Variants in PTPRD observed in about 807,000 individuals in gnomAD.
The protein encoded by PTPRD is protein tyrosine phosphatase receptor type D.
Under a neutral mutation model 214.5 loss-of-function variants are expected in PTPRD, and 34 were observed. The observed-to-expected ratio is 0.16, with a 90% CI of 0.12 to 0.21. The LOEUF is 0.21. PTPRD is among the 10% of genes least tolerant of loss of function. PTPRD has a pLI of 1.00. For synonymous variants in PTPRD, 1,128 were observed against 845.7 expected, an observed-to-expected ratio of 1.33 and a Z score of -5.79; for missense variants, 2,545 against 2,398.7, an observed-to-expected ratio of 1.06 and a Z score of -1.27.
intron 33 of PTPRD, chr9:8,454,722 T>A: frequency 1.0e-6 from 1 of 964,140 alleles, no homozygotes; most frequent in Middle Eastern, 2.1e-4. Context: ...ATAACTGACA[T>A]ACATTCAGAA....
chr9:9,515,067 C>T (rs1257047865), intron 8 of PTPRD, among the ~76,000 whole-genome samples: 1 of 152,008 alleles, frequency 6.6e-6, no homozygotes, highest in Non-Finnish European at 1.5e-5. Flanking sequence ...AAAAGTCCAA[C>T]CTGGTTTCTC....
chr9:8,600,536 G>A (rs1023060116), intron 14 of PTPRD, among the ~76,000 whole-genome samples: 18 of 151,712 alleles, frequency 1.2e-4, no homozygotes, highest in African/African-American at 4.4e-4. Context: ...AGAGGAAAGA[G>A]TAAAGAGGAC....
intron 10 of PTPRD, among the ~76,000 whole-genome samples, chr9:9,019,591 A>G (rs2099555115): frequency 6.6e-6 from 1 of 152,146 alleles, no homozygotes; most frequent in Non-Finnish European, 1.5e-5. Flanking sequence ...CTGTAATCCC[A>G]GCTACTCAGG....
At chr9:9,877,065 A>C (rs1315896461) in intron 5 of PTPRD, among the ~76,000 whole-genome samples, 1 of 152,184 alleles carries the variant, frequency 6.6e-6, no homozygotes, top group Non-Finnish European at 1.5e-5. Context: ...TGAATGCTAC[A>C]GAATTCAAGC....
intron 2 of PTPRD, among the ~76,000 whole-genome samples, chr9:10,475,484 A>G (rs2099056751): frequency 6.6e-6 from 1 of 152,100 alleles, no homozygotes; most frequent in South Asian, 2.1e-4. Flanking sequence ...AATTGAGGAA[A>G]TAACTAATAG....
chr9:9,943,878 C>T (rs973146891), intron 4 of PTPRD, among the ~76,000 whole-genome samples: 8 of 152,140 alleles, frequency 5.3e-5, no homozygotes, highest in African/African-American at 1.7e-4. Context: ...CCCCAGCTCT[C>T]ATCCCAATCT....
rs1053803714 is a variant in PTPRD, at chr9:8,456,552, T to C, written c.3875+3859A>G. On this transcript the variant is annotated intron_variant, in intron 33 of 45. Transcript: ENST00000381196. ...TCCAGTATGGTTGGGTGTGGCCACA[T>C]ATTTCTTCATAGCATCTCAAAATAT... 3.7e-4 allele frequency among the ~76,000 whole-genome samples: 56 copies of C among 152,152 alleles called. 1 individual carries two copies. Among genetic ancestry groups the C allele is most frequent in the South Asian group, 2.1e-4 (1 of 4,824 alleles).
intron 10 of PTPRD, among the ~76,000 whole-genome samples, chr9:9,088,339 G>A (rs561240541): frequency 2.0e-5 from 3 of 151,696 alleles, no homozygotes; most frequent in African/African-American, 7.3e-5. Context: ...TGTGGTCCCA[G>A]CACTTTGGGA....
intron 3 of PTPRD, among the ~76,000 whole-genome samples, chr9:10,238,045 A>AC (rs2099634802): frequency 6.6e-6 from 1 of 151,472 alleles, no homozygotes. Flanking sequence ...TTTTTTTAAA[A>AC]ATCCTTTCTC....
intron 3 of PTPRD, among the ~76,000 whole-genome samples, chr9:10,329,715 C>T (rs1364953903): frequency 6.6e-6 from 1 of 151,866 alleles, no homozygotes; most frequent in Non-Finnish European, 1.5e-5. Context: ...AATCTTACAA[C>T]ATGCACACAA....
intron 11 of PTPRD, among the ~76,000 whole-genome samples, chr9:8,902,537 G>A (rs1010044092): frequency 6.6e-6 from 1 of 151,764 alleles, no homozygotes; most frequent in African/African-American, 2.4e-5. Flanking sequence ...TAGAGACAGG[G>A]TTTCATCATG....
intron 2 of PTPRD, among the ~76,000 whole-genome samples, chr9:10,424,398 C>T (rs1356869480): frequency 6.6e-6 from 1 of 151,334 alleles, no homozygotes; most frequent in Non-Finnish European, 1.5e-5. Context: ...AACTATTATT[C>T]CCATAACAGC....
chr9:9,863,116 T>C (rs535052362), intron 5 of PTPRD, among the ~76,000 whole-genome samples: 2 of 152,010 alleles, frequency 1.3e-5, no homozygotes, highest in East Asian at 1.9e-4. Flanking sequence ...AAATGCTGAA[T>C]TAGGAAATAT....
chr9:9,678,170 T>C (rs2096976162), intron 7 of PTPRD, among the ~76,000 whole-genome samples: 1 of 151,996 alleles, frequency 6.6e-6, no homozygotes. Context: ...TTCAATGCCA[T>C]CCCCATCAAG....
At chr9:9,832,051 C>T (rs1166403303) in intron 5 of PTPRD, among the ~76,000 whole-genome samples, 2 of 151,904 alleles carry the variant, frequency 1.3e-5, no homozygotes, top group Non-Finnish European at 2.9e-5. Flanking sequence ...ATGTCTTTAA[C>T]CTACCATTCT....
At chr9:9,986,105 A>G (rs546956013) in intron 4 of PTPRD, among the ~76,000 whole-genome samples, 1 of 152,268 alleles carries the variant, frequency 6.6e-6, no homozygotes, top group South Asian at 2.1e-4. Context: ...ATTTACAAAG[A>G]ATGATTATTA....
chr9:9,741,653 C>T (rs1036507011), intron 6 of PTPRD, among the ~76,000 whole-genome samples: 15 of 152,058 alleles, frequency 9.9e-5, no homozygotes, highest in Admixed American at 7.9e-4. Flanking sequence ...CGCCTCCCTG[C>T]GTTGGTGTAT....
At chr9:9,858,601 G>C (rs922685421) in intron 5 of PTPRD, among the ~76,000 whole-genome samples, 4 of 152,184 alleles carry the variant, frequency 2.6e-5, no homozygotes, top group South Asian at 2.1e-4. Context: ...TGAAGCAGCA[G>C]TTAGCCATTG....
intron 8 of PTPRD, among the ~76,000 whole-genome samples, chr9:9,464,748 G>A (rs904855540): frequency 2.0e-5 from 3 of 152,094 alleles, no homozygotes; most frequent in Non-Finnish European, 4.4e-5. Flanking sequence ...TTTTAGCAAT[G>A]AGTACCTTTT....
Sources: gnomAD v4.1 joint callset for allele counts (sites outside exome capture counted in the v4.1 genomes callset) on GRCh38, gnomAD v4.1.1 for gene constraint, MANE v1.5 for transcripts, NCBI Gene and HGNC (gene_info 2026-07-23, HGNC 2026-07-21) for gene names.